Variants in LARGE1 observed in about 807,000 individuals in gnomAD.
LARGE1 encodes LARGE xylosyl- and glucuronyltransferase 1, also known as xylosyl- and glucuronyltransferase LARGE1.
In LARGE1, 43 loss-of-function variants were observed where a neutral mutation model predicts 87.6. That is an observed-to-expected ratio of 0.49 (90% confidence interval 0.38 to 0.63). The LOEUF is 0.63. LARGE1 is among the 30% of genes least tolerant of loss of function. LARGE1 has a pLI of 0.00. For missense variants in LARGE1, 802 were observed against 1,000.2 expected (o/e 0.80, Z 2.67); for synonymous variants, 434 against 394.6 (o/e 1.10, Z -1.18).
At chr22:33,444,588 T>C (rs1489148003) in intron 6 of LARGE1, among the ~76,000 whole-genome samples, 3 of 152,176 alleles carry the variant, frequency 2.0e-5, no homozygotes, top group South Asian at 2.1e-4. Flanking sequence ...GATGTAGTAA[T>C]TCTTGTTGAA....
chr22:33,706,606 G>C (rs1406207646), intron 2 of LARGE1, among the ~76,000 whole-genome samples: 1 of 152,170 alleles, frequency 6.6e-6, no homozygotes, highest in Non-Finnish European at 1.5e-5. Context: ...TTCTGGAAGG[G>C]GATGGAAGAG....
intron 5 of LARGE1, among the ~76,000 whole-genome samples, chr22:33,576,628 C>T (rs1465528791): frequency 5.9e-5 from 9 of 152,014 alleles, no homozygotes; most frequent in Admixed American, 2.6e-4. Flanking sequence ...GATATCACCG[C>T]GAAAGCACAT....
At chr22:33,243,291 G>A (rs1473105364) in intron 11 of LARGE1, among the ~76,000 whole-genome samples, 1 of 152,142 alleles carries the variant, frequency 6.6e-6, no homozygotes, top group Non-Finnish European at 1.5e-5. Context: ...ACAGTTTGAT[G>A]CGTTTTGACA....
At chr22:33,491,191 T>C (rs1233640878) in intron 6 of LARGE1, among the ~76,000 whole-genome samples, 2 of 152,176 alleles carry the variant, frequency 1.3e-5, no homozygotes, top group Non-Finnish European at 2.9e-5. Context: ...GTTAATAGTA[T>C]TGTTGTTCTA....
chr22:33,162,464 C>T (rs1922063417), exon 12 of LARGE1: 1 of 152,198 alleles, frequency 6.6e-6, no homozygotes, highest in South Asian at 2.1e-4. Flanking sequence ...CAGGTCCCTC[C>T]CCTGACACGT....
intron 7 of LARGE1, among the ~76,000 whole-genome samples, chr22:33,427,662 A>T (rs1240786126): frequency 6.6e-6 from 1 of 152,248 alleles, no homozygotes; most frequent in Non-Finnish European, 1.5e-5. Context: ...ATTAGCTGAA[A>T]AGAGTTATTC....
chr22:33,774,125 T>G (rs2085157243), intron 1 of LARGE1, among the ~76,000 whole-genome samples: 2 of 152,162 alleles, frequency 1.3e-5, no homozygotes, highest in South Asian at 4.1e-4. Context: ...AAACACATTA[T>G]TCAATATGCT....
intron 7 of LARGE1, among the ~76,000 whole-genome samples, chr22:33,424,189 T>C (rs5998937): frequency 0.13 from 19,189 of 152,194 alleles, 1,289 homozygotes; most frequent in African/African-American, 0.17. Context: ...GGCCCTGAGG[T>C]TGACATTTTA....
At chr22:33,395,872 T>A (rs1487362110) in intron 7 of LARGE1, among the ~76,000 whole-genome samples, 2 of 152,242 alleles carry the variant, frequency 1.3e-5, no homozygotes, top group Non-Finnish European at 2.9e-5. Flanking sequence ...TAGGGTTAAA[T>A]AAAGTTAAAT....
At chr22:33,646,520 T>C (rs2080617726) in intron 3 of LARGE1, among the ~76,000 whole-genome samples, 1 of 56 alleles carries the variant, frequency 0.018, no homozygotes, top group Non-Finnish European at 0.038. Context: ...TGATAGGTAC[T>C]GTAAACCAAC....
chr22:33,418,284 T>C (rs2283905), intron 7 of LARGE1, among the ~76,000 whole-genome samples: 36,046 of 151,990 alleles, frequency 0.24, 6,011 homozygotes, highest in African/African-American at 0.47. Flanking sequence ...GTGATTAGAA[T>C]GGGCCCACCA....
chr22:33,868,389 G>A (rs75489045), intron 1 of LARGE1, among the ~76,000 whole-genome samples: 4,356 of 152,258 alleles, frequency 0.029, 87 homozygotes, highest in Non-Finnish European at 0.045. Flanking sequence ...ACCACACTTC[G>A]AGACGAGATG....
chr22:33,178,510 G>A (rs1287371389), intron 11 of LARGE1, among the ~76,000 whole-genome samples: 2 of 152,214 alleles, frequency 1.3e-5, no homozygotes, highest in Admixed American at 6.5e-5. Context: ...TCTTAGAGCT[G>A]ATGAGTGGGG....
At chr22:33,441,108 CTT>C (rs2067459380) in intron 6 of LARGE1, among the ~76,000 whole-genome samples, 1 of 93,726 alleles carries the variant, frequency 1.1e-5, no homozygotes, top group African/African-American at 6.1e-5. Flanking sequence ...GAGTTTTGCT[CTT>C]GTCTCTGAGG....
intron 2 of LARGE1, among the ~76,000 whole-genome samples, chr22:33,709,842 G>A (rs1225063929): frequency 6.6e-6 from 1 of 151,662 alleles, no homozygotes; most frequent in Non-Finnish European, 1.5e-5. Flanking sequence ...AGCCAGGCTG[G>A]TCTCAAACTC....
At chr22:33,330,288 T>C (rs1937581944) in intron 10 of LARGE1, among the ~76,000 whole-genome samples, 1 of 152,196 alleles carries the variant, frequency 6.6e-6, no homozygotes, top group Non-Finnish European at 1.5e-5. Flanking sequence ...GGAAGAGTCC[T>C]GGGGTTTCTT....
At chr22:33,572,587 C>T (rs189609846) in intron 5 of LARGE1, among the ~76,000 whole-genome samples, 4 of 152,118 alleles carry the variant, frequency 2.6e-5, no homozygotes, top group African/African-American at 9.7e-5. Flanking sequence ...CATCAGGGCT[C>T]GATATGAGTG....
chr22:33,890,772 G>C (rs2064982600), intron 1 of LARGE1, among the ~76,000 whole-genome samples: 1 of 143,816 alleles, frequency 7.0e-6, no homozygotes, highest in Non-Finnish European at 1.5e-5. Flanking sequence ...GTTCAGGACA[G>C]AGGAGGTCAT....
chr22:33,152,353 G>A, the LARGE1 span, among the ~76,000 whole-genome samples: 1 of 152,214 alleles, frequency 6.6e-6, no homozygotes, highest in Admixed American at 6.5e-5. Context: ...GGCACAGGCA[G>A]TGCTTCAAAG....
Sources: gnomAD v4.1 joint callset for allele counts (sites outside exome capture counted in the v4.1 genomes callset) on GRCh38, gnomAD v4.1.1 for gene constraint, MANE v1.5 for transcripts, NCBI Gene and HGNC (gene_info 2026-07-23, HGNC 2026-07-21) for gene names.